The following LINGO2 variants were observed in gnomAD, a reference collection of about 807,000 sequenced individuals.
LINGO2 encodes the protein leucine rich repeat and Ig domain containing 2.
Under a neutral mutation model 30.6 loss-of-function variants are expected in LINGO2, and 14 were observed. The ratio of observed to expected loss-of-function variants is 0.46; its 90% CI spans 0.30 to 0.72. The LOEUF is 0.72. LINGO2 is among the 30% of genes least tolerant of loss of function. The pLI is 0.07. For missense variants in LINGO2, 729 were observed against 751.7 expected, an observed-to-expected ratio of 0.97 and a Z score of 0.35; for synonymous variants, 317 against 288.5, an observed-to-expected ratio of 1.10 and a Z score of -1.00.
intron 3 of LINGO2, among the ~76,000 whole-genome samples, chr9:28,333,635 A>C (rs890843392): frequency 6.6e-6 from 1 of 152,188 alleles, no homozygotes; most frequent in East Asian, 1.9e-4. Flanking sequence ...TCAATCCTCA[A>C]GTGTGCATAT....
intron 1 of LINGO2, among the ~76,000 whole-genome samples, chr9:28,553,966 C>A (rs1341256658): frequency 3.3e-5 from 5 of 151,996 alleles, no homozygotes; most frequent in African/African-American, 1.2e-4. Context: ...TTTGTCACCA[C>A]CAGGCCTGCC....
chr9:29,126,265 C>A, the LINGO2 span, among the ~76,000 whole-genome samples: 2 of 152,126 alleles, frequency 1.3e-5, no homozygotes, highest in Admixed American at 1.3e-4. Flanking sequence ...GTCAGATCCC[C>A]TGATTTAAAT....
At chr9:28,416,924 T>C (rs1053400089) in intron 2 of LINGO2, among the ~76,000 whole-genome samples, 2 of 152,164 alleles carry the variant, frequency 1.3e-5, no homozygotes, top group African/African-American at 4.8e-5. Context: ...CAATTCTTTG[T>C]ACTAATAAAA....
the LINGO2 span, among the ~76,000 whole-genome samples, chr9:28,816,294 T>G: frequency 1.6e-4 from 24 of 152,322 alleles, no homozygotes; most frequent in Admixed American, 4.6e-4. Context: ...AATGAAAAGA[T>G]TGCTTTTCTC....
chr9:29,143,020 A>T, the LINGO2 span, among the ~76,000 whole-genome samples: 1 of 151,388 alleles, frequency 6.6e-6, no homozygotes, highest in African/African-American at 2.4e-5. Context: ...CAAAACGTAA[A>T]TTAAGAAAAC....
At chr9:28,848,936 C>T in the LINGO2 span, among the ~76,000 whole-genome samples, 1 of 151,868 alleles carries the variant, frequency 6.6e-6, no homozygotes, top group Non-Finnish European at 1.5e-5. Flanking sequence ...CACAGGGGTC[C>T]TTTGAGAAGT....
chr9:28,779,717 C>T, the LINGO2 span, among the ~76,000 whole-genome samples: 2 of 152,036 alleles, frequency 1.3e-5, no homozygotes, highest in African/African-American at 2.4e-5. Flanking sequence ...ATTGCTTTTT[C>T]TTAAATTGCA....
chr9:28,165,343 G>A (rs1170738375), intron 4 of LINGO2, among the ~76,000 whole-genome samples: 2 of 152,206 alleles, frequency 1.3e-5, no homozygotes, highest in Non-Finnish European at 2.9e-5. Context: ...CAGAGACCCT[G>A]TGACATGCTG....
intron 4 of LINGO2, among the ~76,000 whole-genome samples, chr9:28,025,806 T>C (rs1823348216): frequency 6.6e-6 from 1 of 152,192 alleles, no homozygotes; most frequent in African/African-American, 2.4e-5. Context: ...CTTTTGAAGA[T>C]ATCGGTGCCA....
the LINGO2 span, among the ~76,000 whole-genome samples, chr9:28,930,545 G>C: frequency 1.3e-5 from 2 of 152,172 alleles, no homozygotes; most frequent in African/African-American, 4.8e-5. The surrounding 1 kb of genome is among the most constrained non-coding windows in gnomAD (Gnocchi z 4.2). Context: ...AGAACTTCAA[G>C]GGACCTGAAT....
intron 3 of LINGO2, among the ~76,000 whole-genome samples, chr9:28,324,982 G>C (rs1825175141): frequency 6.6e-6 from 1 of 151,868 alleles, no homozygotes; most frequent in Non-Finnish European, 1.5e-5. Context: ...TGACTATGGA[G>C]CAGCAAACTA....
At position 28,243,617 on chromosome 9, in the gene LINGO2, CAACA is replaced by C. The variant is rs372531716; in HGVS notation, c.-87+51587_-87+51590del. ...GAATATTTACCAAGCAAATGGAAAG[CAACA>C]AACAAACAAACAAACAAACAAAAAA... On this transcript the variant is annotated intron_variant, in intron 4 of 5. Transcript: ENST00000379992. Among the ~76,000 whole-genome samples, 1,026 of 151,158 alleles carry C rather than the reference CAACA, an allele frequency of 6.8e-3. 30 individuals carry two copies. In the East Asian group the frequency reaches 0.11, roughly 16 times the overall value.
At chr9:28,871,540 G>T in the LINGO2 span, among the ~76,000 whole-genome samples, 2 of 151,634 alleles carry the variant, frequency 1.3e-5, no homozygotes, top group Non-Finnish European at 2.9e-5. Flanking sequence ...TAGAAAATAA[G>T]AAAATGAACT....
At chr9:28,947,604 T>C in the LINGO2 span, among the ~76,000 whole-genome samples, 5 of 152,032 alleles carry the variant, frequency 3.3e-5, no homozygotes, top group African/African-American at 1.2e-4. Flanking sequence ...AGACTTTTTG[T>C]TGAATCTCAA....
At chr9:28,505,054 G>T (rs1249109081) in intron 1 of LINGO2, among the ~76,000 whole-genome samples, 4 of 151,818 alleles carry the variant, frequency 2.6e-5, no homozygotes, top group Non-Finnish European at 5.9e-5. Flanking sequence ...ATTTAAGAGG[G>T]ATTTTGATGC....
At chr9:27,958,179 T>C (rs1819670674) in intron 5 of LINGO2, among the ~76,000 whole-genome samples, 1 of 152,166 alleles carries the variant, frequency 6.6e-6, no homozygotes, top group Non-Finnish European at 1.5e-5. Context: ...AATGAAAAAA[T>C]GCTTTTCTGT....
the LINGO2 span, among the ~76,000 whole-genome samples, chr9:28,790,273 C>T: frequency 6.6e-6 from 1 of 150,776 alleles, no homozygotes; most frequent in Non-Finnish European, 1.5e-5. Flanking sequence ...TGCTACCTCA[C>T]AATGCCTACA....
the LINGO2 span, among the ~76,000 whole-genome samples, chr9:28,687,077 A>G: frequency 6.6e-6 from 1 of 152,102 alleles, no homozygotes; most frequent in Non-Finnish European, 1.5e-5. Flanking sequence ...CTGGACAAAT[A>G]AAATTTGATT....
chr9:27,962,902 C>T (rs540319360), intron 5 of LINGO2, among the ~76,000 whole-genome samples: 1 of 152,142 alleles, frequency 6.6e-6, no homozygotes, highest in Non-Finnish European at 1.5e-5. Context: ...TTAGTACGTA[C>T]CTTTTAAAAC....
Sources: allele counts gnomAD v4.1 joint callset (sites outside exome capture counted in the v4.1 genomes callset), GRCh38; gene constraint gnomAD v4.1.1; non-coding constraint Gnocchi (gnomAD v3.1); transcripts MANE v1.5; gene names NCBI Gene and HGNC (gene_info 2026-07-23, HGNC 2026-07-21).